RANGAP1: variants seen among roughly 807,000 people sequenced by gnomAD.
The protein encoded by RANGAP1 is ran GTPase-activating protein 1.
RANGAP1 carries 38 observed loss-of-function variants against 63.5 expected under a neutral mutation model. The observed-to-expected ratio is 0.60, with a 90% CI of 0.46 to 0.78. The LOEUF (loss-of-function observed/expected upper bound fraction) is 0.78. RANGAP1 is among the 30% of genes least tolerant of loss of function. The pLI is 0.00. For missense variants in RANGAP1, 630 were observed against 740.3 expected, an observed-to-expected ratio of 0.85 and a Z score of 1.73; for synonymous variants, 329 against 310.5, an observed-to-expected ratio of 1.06 and a Z score of -0.63.
At chr22:41,285,813 G>C in intron 1 of RANGAP1, 173 bp downstream of exon 1, 1 of 717,188 alleles carries the variant, frequency 1.4e-6, no homozygotes, top group Non-Finnish European at 1.7e-6. Flanking sequence ...AAAGGAGCCA[G>C]CGCCGCTCAA....
At chr22:41,301,227 G>C in the RANGAP1 span, among the ~76,000 whole-genome samples, 1 of 152,200 alleles carries the variant, frequency 6.6e-6, no homozygotes, top group Non-Finnish European at 1.5e-5. Context: ...CTGGAAGCCG[G>C]AGAAGGGGGG....
At chr22:41,269,226 T>C (rs1317237062) in intron 3 of RANGAP1, among the ~76,000 whole-genome samples, 2 of 152,224 alleles carry the variant, frequency 1.3e-5, no homozygotes, top group East Asian at 3.9e-4. Context: ...ATTACAGGCA[T>C]GTGACACCAC....
chr22:41,300,428 T>TCACACACACACACA, the RANGAP1 span, among the ~76,000 whole-genome samples: 64 of 36,254 alleles, frequency 1.8e-3, no homozygotes, highest in South Asian at 4.1e-3. Context: ...TATTGGGAAC[T>TCACACACACACACA]CACACACACA....
intron 3 of RANGAP1, among the ~76,000 whole-genome samples, chr22:41,270,893 G>A (rs140247289): frequency 1.9e-4 from 29 of 152,108 alleles, no homozygotes; most frequent in Middle Eastern, 3.4e-3. Context: ...AACAGATACC[G>A]GCAGGTCATT....
intron 3 of RANGAP1, among the ~76,000 whole-genome samples, chr22:41,271,385 C>CT (rs959657017): frequency 9.5e-5 from 7 of 73,840 alleles, no homozygotes; most frequent in Non-Finnish European, 1.8e-4. Flanking sequence ...GAAACTGTCT[C>CT]TAAAAAAAAA....
chr22:41,250,370 T>C (rs553533662), intron 13 of RANGAP1, among the ~76,000 whole-genome samples: 136 of 152,338 alleles, frequency 8.9e-4, no homozygotes, highest in African/African-American at 3.2e-3. Flanking sequence ...CTTCCACCCC[T>C]TTCTATCTTT....
chr22:41,267,043 C>T (rs1341787938), intron 4 of RANGAP1, among the ~76,000 whole-genome samples: 1 of 151,808 alleles, frequency 6.6e-6, no homozygotes, highest in African/African-American at 2.4e-5. Flanking sequence ...ACCATGCCAG[C>T]TAATTTTTGT....
In RANGAP1 at chr22:41,257,850, AGAG is replaced by A. The variant is rs2033935254; in HGVS notation, c.774+95_774+97del. On this transcript the variant is annotated intron_variant, in intron 7 of 15. Coordinates refer to ENST00000356244, the MANE Select transcript of RANGAP1 (RefSeq NM_002883.4). The surrounding 1 kb of genome is among the most constrained non-coding windows in gnomAD (Gnocchi z 4.0). ...CACACCCAGGGGGCAGGCAGGGGGT[AGAG>A]GAGTCCCTGCTAAACGGAGCCCCAG... 4 of 1,374,334 alleles carry A rather than the reference AGAG, an allele frequency of 2.9e-6. No individual in the cohort carries two copies. The highest frequency in any genetic ancestry group is 4.0e-6 in the Non-Finnish European group (4 of 1,011,452). 85.1% of individuals were successfully genotyped at this position (1,374,334 alleles called of 1,614,324 possible).
chr22:41,261,593 G>A lies in RANGAP1; in HGVS notation c.481-13C>T. 1 of 1,614,152 alleles carries A rather than the reference G, an allele frequency of 6.2e-7. No individual in the cohort carries two copies. The highest frequency in any genetic ancestry group is 8.5e-7 in the Non-Finnish European group (1 of 1,180,042). On this transcript the variant is annotated splice_polypyrimidine_tract_variant and intron_variant, in intron 5 of 15. Transcript: ENST00000356244. Reference sequence around the variant, plus strand: ...CTGCAGCCAGGATCTGTGGGGAAAGGCAAGGGGCCCTGGTCATGGGCAGGA... The same window carrying A: ...CTGCAGCCAGGATCTGTGGGGAAAGACAAGGGGCCCTGGTCATGGGCAGGA...
intron 6 of RANGAP1, among the ~76,000 whole-genome samples, chr22:41,258,364 G>A (rs900144471): frequency 6.6e-6 from 1 of 152,260 alleles, no homozygotes; most frequent in Admixed American, 6.5e-5. Flanking sequence ...CAGGGTCACA[G>A]AGCTCTAGAT....
chr22:41,272,067 A>C (rs1288679326), intron 3 of RANGAP1, among the ~76,000 whole-genome samples: 4 of 152,198 alleles, frequency 2.6e-5, no homozygotes, highest in Non-Finnish European at 4.4e-5. Context: ...TATTTCATAT[A>C]AGAGCCCAGC....
chr22:41,281,186 TG>T, intron 1 of RANGAP1, 104 bp from the exon 2 acceptor site: 1 of 1,237,718 alleles, frequency 8.1e-7, no homozygotes, highest in Non-Finnish European at 1.1e-6. Flanking sequence ...CTACCTCCCC[TG>T]CTATGGAGAC....
chr22:41,301,049 T>G, the RANGAP1 span, among the ~76,000 whole-genome samples: 1 of 152,168 alleles, frequency 6.6e-6, no homozygotes, highest in African/African-American at 2.4e-5. Flanking sequence ...ATGATGCCAA[T>G]AAAGTCGGCC....
intron 6 of RANGAP1, among the ~76,000 whole-genome samples, chr22:41,258,648 CTTTTT>C (rs1315607788): frequency 6.6e-6 from 1 of 152,130 alleles, no homozygotes; most frequent in Non-Finnish European, 1.5e-5. Flanking sequence ...TTTTCTTTTT[CTTTTT>C]TCTTTTTTTT....
At chr22:41,264,285 G>A (rs1435955276) in intron 5 of RANGAP1, among the ~76,000 whole-genome samples, 7 of 53,394 alleles carry the variant, frequency 1.3e-4, no homozygotes, top group South Asian at 5.1e-4. Context: ...GAGCTGTGAC[G>A]GTGCCCCCCC....
the RANGAP1 span, among the ~76,000 whole-genome samples, chr22:41,292,578 G>A: frequency 6.6e-6 from 1 of 151,666 alleles, no homozygotes; most frequent in Non-Finnish European, 1.5e-5. Flanking sequence ...GACCAACATG[G>A]TGAAACCCCG....
At chr22:41,276,442 A>G (rs1405759720) in intron 2 of RANGAP1, among the ~76,000 whole-genome samples, 1 of 151,996 alleles carries the variant, frequency 6.6e-6, no homozygotes, top group East Asian at 1.9e-4. Context: ...GTTTGAGACC[A>G]GCCTGTCCAA....
At chr22:41,290,678 C>G (rs182665086), upstream of RANGAP1, among the ~76,000 whole-genome samples, 532 of 152,302 alleles carry the variant, frequency 3.5e-3, 3 homozygotes, top group African/African-American at 0.012. Context: ...AAGACAAAAG[C>G]AGGCTGCCTC....
chr22:41,295,185 C>G, the RANGAP1 span, among the ~76,000 whole-genome samples: 2 of 151,114 alleles, frequency 1.3e-5, no homozygotes, highest in African/African-American at 2.4e-5. Context: ...GCCACCACCC[C>G]GTCTGGGAGG....
Sources: allele counts gnomAD v4.1 joint callset (sites outside exome capture counted in the v4.1 genomes callset), GRCh38; gene constraint gnomAD v4.1.1; non-coding constraint Gnocchi (gnomAD v3.1); transcripts MANE v1.5; gene names NCBI Gene and HGNC (gene_info 2026-07-23, HGNC 2026-07-21).